Variants in CPNE5 observed in about 807,000 individuals in gnomAD.
CPNE5 encodes copine 5.
CPNE5 carries 42 observed loss-of-function variants against 81.1 expected under a neutral mutation model. The observed-to-expected ratio is 0.52, with a 90% CI of 0.40 to 0.67. The LOEUF is 0.67. CPNE5 is among the 30% of genes least tolerant of loss of function. CPNE5 has a pLI of 0.00. For synonymous variants in CPNE5, 313 were observed against 321.5 expected (o/e 0.97, Z 0.28); for missense variants, 612 against 815.5 (o/e 0.75, Z 3.04).
chr6:36,790,956 T>C (rs562286204), intron 8 of CPNE5, among the ~76,000 whole-genome samples: 2 of 152,356 alleles, frequency 1.3e-5, no homozygotes, highest in South Asian at 2.1e-4. Flanking sequence ...TCTGTTTAAA[T>C]TTCTAGTAGG....
intron 7 of CPNE5, among the ~76,000 whole-genome samples, chr6:36,792,789 C>A (rs1221647377): frequency 6.6e-6 from 1 of 152,180 alleles, no homozygotes; most frequent in African/African-American, 2.4e-5. Context: ...GGGAACTGAA[C>A]CACCTCTTCC....
intron 14 of CPNE5, among the ~76,000 whole-genome samples, chr6:36,750,560 A>G (rs1764697407): frequency 6.6e-6 from 1 of 152,216 alleles, no homozygotes. Context: ...CAACCCTGCC[A>G]TCCCACAGAT....
intron 8 of CPNE5, among the ~76,000 whole-genome samples, chr6:36,787,174 T>G (rs1768636563): frequency 6.6e-6 from 1 of 152,208 alleles, no homozygotes; most frequent in African/African-American, 2.4e-5. Flanking sequence ...TTCCTTCTCA[T>G]CTCTCTTTCT....
intron 3 of CPNE5, among the ~76,000 whole-genome samples, chr6:36,808,344 G>T (rs975085537): frequency 2.6e-5 from 4 of 151,994 alleles, no homozygotes; most frequent in African/African-American, 7.3e-5. Flanking sequence ...ACCCCCAACC[G>T]TCGGCCTCAC....
chr6:36,799,876 CA>C, intron 4 of CPNE5, 90 bp downstream of exon 4: 1 of 941,022 alleles, frequency 1.1e-6, no homozygotes, highest in South Asian at 1.5e-5. Flanking sequence ...ACTAATTTCT[CA>C]GCTCCTTCCT....
At chr6:36,775,225 C>T (rs924621384) in intron 9 of CPNE5, among the ~76,000 whole-genome samples, 160 bp from the exon 10 acceptor site, 4 of 152,224 alleles carry the variant, frequency 2.6e-5, no homozygotes, top group Non-Finnish European at 5.9e-5. Flanking sequence ...AGCAGCCAAG[C>T]TGATACTAGG....
chr6:36,747,058 C>T (rs942047389), intron 15 of CPNE5, among the ~76,000 whole-genome samples: 16 of 152,148 alleles, frequency 1.1e-4, no homozygotes, highest in African/African-American at 3.9e-4. Flanking sequence ...CCTCGCCATT[C>T]CCACCTCAGG....
intron 12 of CPNE5, among the ~76,000 whole-genome samples, chr6:36,758,415 ATT>A (rs72371807): frequency 1.4e-5 from 2 of 140,246 alleles, no homozygotes; most frequent in African/African-American, 2.7e-5. Context: ...ATGTCTGGCT[ATT>A]TTTTTTTTTT....
At chr6:36,837,244 G>A (rs1408904382) in intron 1 of CPNE5, among the ~76,000 whole-genome samples, 1 of 152,250 alleles carries the variant, frequency 6.6e-6, no homozygotes, top group Non-Finnish European at 1.5e-5. Flanking sequence ...GCAAGTGCCA[G>A]GCACTGCTCT....
At position 36,837,005 on chromosome 6, in the gene CPNE5, G is replaced by A. The variant is rs773843192; in HGVS notation, c.95+2278C>T. 1.6e-4 allele frequency among the ~76,000 whole-genome samples: 25 copies of A among 152,296 alleles called. 1 individual carries two copies. Among genetic ancestry groups the A allele is most frequent in the Middle Eastern group, 6.8e-3 (2 of 294 alleles). On this transcript the variant is annotated intron_variant, in intron 1 of 20. Transcript: ENST00000244751. ...TCCCCCAAAAGGGTATTGACCCAGGGTCAGCCCCAGAACCACATCCCCCAG... is the reference window on the plus strand; with the variant it reads ...TCCCCCAAAAGGGTATTGACCCAGGATCAGCCCCAGAACCACATCCCCCAG...
At chr6:36,813,153 C>T (rs1487284441) in intron 3 of CPNE5, among the ~76,000 whole-genome samples, 1 of 152,232 alleles carries the variant, frequency 6.6e-6, no homozygotes, top group Admixed American at 6.5e-5. Context: ...TGCTTCTGCC[C>T]TTTCCCCTGC....
In CPNE5 at chr6:36,752,974, GGT is replaced by G; in HGVS notation, c.971+58_971+59del. ...GGGTGGGGCCAGAGCCGGTCCTGTC[GGT>G]GTGTGGGGCCCTTTCCCTCTCCCCA... On this transcript the variant is annotated intron_variant, in intron 14 of 20. Coordinates refer to ENST00000244751, the MANE Select transcript of CPNE5 (RefSeq NM_020939.2). The G allele has an allele frequency of 2.2e-6, 3 of 1,388,954 alleles. No individual in the cohort carries two copies. The South Asian group carries it at 3.5e-5, about 16-fold the overall frequency. The allele number at this position is 1,388,954 out of a possible 1,614,324, so 86.0% of individuals were successfully genotyped here. A position where few individuals can be genotyped will look rare whatever the true frequency, so the allele number is the denominator to read the frequency against.
chr6:36,803,620 G>A lies in CPNE5; in HGVS notation c.184-3550C>T, dbSNP rs376839399. On this transcript the variant is annotated intron_variant, in intron 3 of 20. Coordinates refer to ENST00000244751, the MANE Select transcript of CPNE5 (RefSeq NM_020939.2). ...GGATATTGACCGATTTTGCATCTAT[G>A]TGTAAATTCATTTCAACATTCCTGA... Among the ~76,000 whole-genome samples the A allele has an allele frequency of 2.6e-4, 40 of 152,324 alleles. No individual in the cohort carries two copies. The South Asian group carries it at 8.1e-3, about 31-fold the overall frequency.
chr6:36,838,949 A>G (rs1483250973), intron 1 of CPNE5, among the ~76,000 whole-genome samples: 1 of 152,204 alleles, frequency 6.6e-6, no homozygotes, highest in East Asian at 1.9e-4. Flanking sequence ...GTGATCAGAG[A>G]TAGCCTGAGC....
intron 3 of CPNE5, among the ~76,000 whole-genome samples, chr6:36,805,323 C>T (rs76412552): frequency 0.02 from 3,072 of 152,334 alleles, 110 homozygotes; most frequent in African/African-American, 0.068. Context: ...CAGAGCGCAG[C>T]CAGCCCTGTT....
At chr6:36,778,333 T>C (rs1199070461) in intron 9 of CPNE5, among the ~76,000 whole-genome samples, 1 of 152,100 alleles carries the variant, frequency 6.6e-6, no homozygotes, top group Non-Finnish European at 1.5e-5. Context: ...GGCTTCAAAG[T>C]CTGGAGTTCC....
chr6:36,835,039 A>C (rs745864917), intron 1 of CPNE5, among the ~76,000 whole-genome samples: 5 of 152,168 alleles, frequency 3.3e-5, no homozygotes, highest in Non-Finnish European at 5.9e-5. Flanking sequence ...GCAGAACAAC[A>C]GCTGCCCACC....
chr6:36,745,860 C>A (rs1310050999), intron 16 of CPNE5, among the ~76,000 whole-genome samples: 1 of 152,162 alleles, frequency 6.6e-6, no homozygotes, highest in Non-Finnish European at 1.5e-5. Flanking sequence ...GCTGATCTGT[C>A]CACGTGCACA....
At position 36,800,074 on chromosome 6, in the gene CPNE5, C is replaced by A. The variant is rs1338979841; in HGVS notation, c.184-4G>T. The A allele has an allele frequency of 6.2e-7, 1 of 1,609,100 alleles. No individual in the cohort carries two copies. The stretch of plus-strand genomic sequence containing the variant: ...CGATGACTTCGGTGCGCCCAAACTG[C>A]AAGAGAAGATGGAGGGTGAACCTCA... On this transcript the variant is annotated splice_polypyrimidine_tract_variant and splice_region_variant and intron_variant, in intron 3 of 20. Transcript: ENST00000244751.
Sources: allele counts gnomAD v4.1 joint callset (sites outside exome capture counted in the v4.1 genomes callset), GRCh38; gene constraint gnomAD v4.1.1; transcripts MANE v1.5; gene names NCBI Gene and HGNC (gene_info 2026-07-23, HGNC 2026-07-21).